The following CNTNAP2 variants were observed in gnomAD, a reference collection of about 807,000 sequenced individuals.
The protein encoded by CNTNAP2 is contactin associated protein 2, also known as contactin-associated protein-like 2.
Under a neutral mutation model 155.2 loss-of-function variants are expected in CNTNAP2, and 98 were observed. The observed-to-expected ratio is 0.63, with a 90% CI of 0.54 to 0.75. CNTNAP2 has a LOEUF of 0.75. Among genes scored for constraint, CNTNAP2 ranks in the 30% least tolerant of loss-of-function variants. CNTNAP2 has a pLI of 0.00. For missense variants in CNTNAP2, 1,727 were observed against 1,688.1 expected, an observed-to-expected ratio of 1.02 and a Z score of -0.40; for synonymous variants, 651 against 631.2, an observed-to-expected ratio of 1.03 and a Z score of -0.47.
intron 14 of CNTNAP2, among the ~76,000 whole-genome samples, chr7:147,954,590 G>A (rs539524302): frequency 1.3e-5 from 2 of 152,184 alleles, no homozygotes; most frequent in East Asian, 3.9e-4. Context: ...AAGCAATTAT[G>A]TTTATTTCTA....
intron 13 of CNTNAP2, among the ~76,000 whole-genome samples, chr7:147,873,350 A>G (rs983226549): frequency 3.9e-5 from 6 of 152,210 alleles, no homozygotes; most frequent in Non-Finnish European, 7.3e-5. Flanking sequence ...TATAAAGGAA[A>G]GAGGTTTAAT....
intron 1 of CNTNAP2, among the ~76,000 whole-genome samples, chr7:146,680,711 T>G (rs572750672): frequency 6.6e-6 from 1 of 152,366 alleles, no homozygotes; most frequent in Admixed American, 6.5e-5. Context: ...TGAAAACATC[T>G]ATTTCCTTTT....
At chr7:147,459,948 C>A (rs1584960461) in intron 10 of CNTNAP2, among the ~76,000 whole-genome samples, 1 of 152,026 alleles carries the variant, frequency 6.6e-6, no homozygotes, top group Non-Finnish European at 1.5e-5. Flanking sequence ...ACGATGAGAA[C>A]ACATGGACAC....
At chr7:147,528,729 G>T (rs1156806703) in intron 11 of CNTNAP2, among the ~76,000 whole-genome samples, 10 of 152,170 alleles carry the variant, frequency 6.6e-5, no homozygotes, top group Non-Finnish European at 1.3e-4. Context: ...AGTAGGATGT[G>T]TAATGCCCAG....
chr7:148,160,297 A>G (rs908526815), intron 17 of CNTNAP2, among the ~76,000 whole-genome samples: 4 of 151,400 alleles, frequency 2.6e-5, no homozygotes, highest in Admixed American at 1.3e-4. Flanking sequence ...CTATAGTCTC[A>G]GCTACCCTGG....
In CNTNAP2 at chr7:146,132,166, C is replaced by G. The variant is rs575388626; in HGVS notation, c.97+15193C>G. 3.9e-5 allele frequency among the ~76,000 whole-genome samples: 6 copies of G among 152,208 alleles called. No individual in the cohort carries two copies. The East Asian group carries it at 1.2e-3, about 29-fold the overall frequency. ...TGAGATTACAGTCTCTGCTAAAATA[C>G]GTTCTTTACAGATGATCAATTTACT... On this transcript the variant is annotated intron_variant, in intron 1 of 23. Coordinates refer to ENST00000361727, the MANE Select transcript of CNTNAP2 (RefSeq NM_014141.6).
intron 1 of CNTNAP2, among the ~76,000 whole-genome samples, chr7:146,274,539 T>C (rs1800134070): frequency 6.6e-6 from 1 of 152,174 alleles, no homozygotes; most frequent in Non-Finnish European, 1.5e-5. Flanking sequence ...CATCAGCCCT[T>C]TGGAGGAACA....
At chr7:148,406,125 G>A (rs1412203073) in intron 22 of CNTNAP2, among the ~76,000 whole-genome samples, 2 of 151,950 alleles carry the variant, frequency 1.3e-5, no homozygotes, top group African/African-American at 4.8e-5. Context: ...CCAGCTACTC[G>A]GGAGGCTGAG....
intron 1 of CNTNAP2, among the ~76,000 whole-genome samples, chr7:146,742,626 A>G (rs1187039246): frequency 6.6e-6 from 1 of 152,160 alleles, no homozygotes; most frequent in South Asian, 2.1e-4. Flanking sequence ...GTACAATAGG[A>G]TAAGTATGAA....
At chr7:147,916,212 T>C (rs2116771867) in intron 14 of CNTNAP2, among the ~76,000 whole-genome samples, 1 of 152,274 alleles carries the variant, frequency 6.6e-6, no homozygotes, top group East Asian at 1.9e-4. Flanking sequence ...AGGGGAAATG[T>C]CCTGTCTCTC....
intron 5 of CNTNAP2, among the ~76,000 whole-genome samples, chr7:147,117,389 G>A (rs1007199134): frequency 5.3e-5 from 8 of 152,112 alleles, no homozygotes; most frequent in Non-Finnish European, 1.0e-4. Flanking sequence ...CTTGGCAGGG[G>A]TTGGGGGTTC....
intron 2 of CNTNAP2, among the ~76,000 whole-genome samples, chr7:146,803,983 T>G (rs1802925074): frequency 6.6e-6 from 1 of 152,204 alleles, no homozygotes; most frequent in African/African-American, 2.4e-5. Flanking sequence ...AGGCTAAAGT[T>G]TGAAACAGTT....
rs571313039 is a variant in CNTNAP2, at chr7:146,466,156, G to A, written c.98-308115G>A. ...ACTTCCAACTAACCAGCAAAGAAGC[G>A]ATTCTTGAATACCAAGTGAGGGGAT... On this transcript the variant is annotated intron_variant, in intron 1 of 23. Transcript: ENST00000361727. Among the ~76,000 whole-genome samples, 8 of 152,210 alleles carry A rather than the reference G, an allele frequency of 5.3e-5. 1 individual carries two copies. Among genetic ancestry groups the A allele is most frequent in the Admixed American group, 1.3e-4 (2 of 15,284 alleles).
At chr7:148,270,486 T>G (rs1408859867) in intron 21 of CNTNAP2, among the ~76,000 whole-genome samples, 1 of 152,166 alleles carries the variant, frequency 6.6e-6, no homozygotes, top group Non-Finnish European at 1.5e-5. Context: ...AGATTATCTC[T>G]CATCCCTACA....
intron 1 of CNTNAP2, among the ~76,000 whole-genome samples, chr7:146,403,795 G>T (rs1422896673): frequency 2.0e-5 from 3 of 152,194 alleles, no homozygotes; most frequent in Admixed American, 6.5e-5. Flanking sequence ...ACAGAGACTA[G>T]CACTGTCTTC....
intron 17 of CNTNAP2, among the ~76,000 whole-genome samples, chr7:148,161,781 T>G (rs982048994): frequency 6.6e-6 from 1 of 152,252 alleles, no homozygotes; most frequent in Admixed American, 6.5e-5. Context: ...CTTGCTCTTA[T>G]TTAACAATTG....
At chr7:146,509,172 G>C (rs953416510) in intron 1 of CNTNAP2, among the ~76,000 whole-genome samples, 1 of 152,156 alleles carries the variant, frequency 6.6e-6, no homozygotes, top group Non-Finnish European at 1.5e-5. Flanking sequence ...TGAATTACCT[G>C]CACCACATCT....
At chr7:146,361,662 C>T (rs10225925) in intron 1 of CNTNAP2, among the ~76,000 whole-genome samples, 7,450 of 152,132 alleles carry the variant, frequency 0.049, 269 homozygotes, top group Middle Eastern at 0.099. Context: ...TAGATTACTC[C>T]CAGTGGTTCT....
Position 146,131,046 on chromosome 7 carries a change from C to T in CNTNAP2, c.97+14073C>T, listed in dbSNP as rs546520140. On this transcript the variant is annotated intron_variant, in intron 1 of 23. Coordinates refer to ENST00000361727, the MANE Select transcript of CNTNAP2 (RefSeq NM_014141.6). ...GTTCACAGAGCCAAACCATATCAAT[C>T]GCTGACTTTAAAGAAAACGAATAAT... is the stretch of plus-strand genomic sequence containing the variant. Among the ~76,000 whole-genome samples the T allele has an allele frequency of 3.3e-5, 5 of 152,006 alleles. No homozygotes were observed. The South Asian group carries it at 6.2e-4, about 19-fold the overall frequency.
Sources: gnomAD v4.1 joint callset for allele counts (sites outside exome capture counted in the v4.1 genomes callset) on GRCh38, gnomAD v4.1.1 for gene constraint, MANE v1.5 for transcripts, NCBI Gene and HGNC (gene_info 2026-07-23, HGNC 2026-07-21) for gene names.